UGT2A1: variants seen among roughly 807,000 people sequenced by gnomAD.
UGT2A1 encodes the protein UDP-glucuronosyltransferase 2A1.
Under a neutral mutation model 45.4 loss-of-function variants are expected in UGT2A1, and 61 were observed. The ratio of observed to expected loss-of-function variants is 1.34; its 90% CI spans 1.09 to 1.66. The LOEUF is 1.66. Among genes scored for constraint, UGT2A1 ranks in the 40% most tolerant of loss-of-function variants. The probability of loss-of-function intolerance (pLI) is 0.00; values close to 1 mark genes in which losing one functional copy is unlikely to be tolerated. For missense variants in UGT2A1, 649 were observed against 574.3 expected, an observed-to-expected ratio of 1.13 and a Z score of -1.33; for synonymous variants, 229 against 196.2, an observed-to-expected ratio of 1.17 and a Z score of -1.40.
Position 69,589,581 on chromosome 4 carries a change from C to T in UGT2A1, c.1375G>A (p.Val459Ile), listed in dbSNP as rs201031939. The change falls in exon 7 of 7, where the codon GTC becomes ATC. Residue 459 changes from valine (V) to isoleucine (I), a missense_variant. Val to Ile is a conservative substitution (Grantham distance 29, BLOSUM62 3). Coordinates refer to ENST00000286604, the MANE Select transcript of UGT2A1 (RefSeq NM_001252275.3). ...CGCATGACAAACTCGATCCAGAAGA[C>T]TGCTCGATCCAGGGGCTTTACAGGT... ...DQPVKPLDRA[V>I]FWIEFVMRHK... 46 of 1,614,048 alleles carry T rather than the reference C, an allele frequency of 2.8e-5. No homozygotes were observed. In the African/African-American group the frequency reaches 5.2e-4, roughly 18 times the overall value.
chr4:69,632,805 T>C (rs763302382), intron 3 of UGT2A1, among the ~76,000 whole-genome samples: 130 of 151,894 alleles, frequency 8.6e-4, no homozygotes, highest in Admixed American at 2.5e-3. Context: ...GGAAAATCGC[T>C]TGAACCCAGG....
intron 2 of UGT2A1, among the ~76,000 whole-genome samples, chr4:69,638,732 T>C (rs1721864021): frequency 6.6e-6 from 1 of 152,136 alleles, no homozygotes; most frequent in Non-Finnish European, 1.5e-5. Flanking sequence ...CATTTCATTG[T>C]TAAGGATTTA....
chr4:69,646,891 G>A, intron 2 of UGT2A1, 39 bp downstream of exon 2: 1 of 1,424,796 alleles, frequency 7.0e-7, no homozygotes, highest in Non-Finnish European at 9.4e-7. Context: ...AGGTCTGTTT[G>A]TTCAAATTCA....
chr4:69,597,900 G>A lies in UGT2A1; in HGVS notation c.996+1346C>T, dbSNP rs1056507064. On this transcript the variant is annotated intron_variant, in intron 4 of 6. Transcript: ENST00000286604. ...ATTCATATTTCCCAAAGCCTATATC[G>A]ATATTTATATTGATTGAATACATAA... 2.0e-5 allele frequency among the ~76,000 whole-genome samples: 3 copies of A among 151,946 alleles called. No individual in the cohort carries two copies. In the East Asian group the frequency reaches 5.8e-4, roughly 29 times the overall value.
intron 3 of UGT2A1, among the ~76,000 whole-genome samples, chr4:69,609,128 G>A (rs909502128): frequency 2.7e-5 from 4 of 150,300 alleles, no homozygotes; most frequent in African/African-American, 9.8e-5. Flanking sequence ...ATATAAAACT[G>A]GCTCAGGCTC....
rs146749264 is a variant in UGT2A1 at position 69,594,611 on chromosome 4, T to A, written c.1170A>T (p.Gly390=). 2.7e-3 allele frequency: 4,413 copies of A among 1,614,116 alleles called. 8 individuals carry two copies. Among genetic ancestry groups the A allele is most frequent in the Non-Finnish European group, 3.4e-3 (4,028 of 1,180,026 alleles). ...EAIYHGVPMV[G]VPMFADQPDN... ...CAGGCTGATCAGCAAACATGGGAACTCCCACCATAGGGACTCCGTGGTAAA... is the reference window on the plus strand; with the variant it reads ...CAGGCTGATCAGCAAACATGGGAACACCCACCATAGGGACTCCGTGGTAAA... Residue 390 remains glycine (G), a synonymous_variant, in exon 6 of 7, where the codon GGA becomes GGT. Coordinates refer to ENST00000286604, the MANE Select transcript of UGT2A1 (RefSeq NM_001252275.3).
chr4:69,617,410 T>C (rs1046825482), intron 3 of UGT2A1, among the ~76,000 whole-genome samples: 5 of 151,928 alleles, frequency 3.3e-5, no homozygotes, highest in Non-Finnish European at 7.4e-5. Flanking sequence ...TATACAAAGA[T>C]ATAATATATA....
In UGT2A1 at chr4:69,648,886, T is replaced by C. The variant is rs143561431; in HGVS notation, c.-54-1188A>G. 1.5e-3 allele frequency among the ~76,000 whole-genome samples: 221 copies of C among 152,112 alleles called. 1 individual carries two copies. Among genetic ancestry groups the C allele is most frequent in the Non-Finnish European group, 2.4e-3 (161 of 67,950 alleles). ...AAGGATCTCTGACTCCCACAGCCTA[T>C]TGTATTAACCACTGGGATAGATTGC... On this transcript the variant is annotated intron_variant, in intron 1 of 6. Coordinates refer to ENST00000286604, the MANE Select transcript of UGT2A1 (RefSeq NM_001252275.3).
rs565388058 is a variant in UGT2A1 at position 69,588,662 on chromosome 4, T to G, written c.*710A>C. On this transcript the variant is annotated 3_prime_UTR_variant, in exon 7 of 7. Transcript: ENST00000286604. ...ATAACATAGAACTTTCTCCTTGAAA[T>G]AAAAGAGTCGATTGATTGATTTATT... is the stretch of plus-strand genomic sequence containing the variant. The G allele has an allele frequency of 2.6e-5, 4 of 152,124 alleles. No homozygotes were observed. The highest frequency in any genetic ancestry group is 9.6e-5 in the African/African-American group (4 of 41,500). 9.4% of individuals were successfully genotyped at this position (152,124 alleles called of 1,614,324 possible). A position where few individuals can be genotyped will look rare whatever the true frequency, so the allele number is the denominator to read the frequency against.
intron 3 of UGT2A1, among the ~76,000 whole-genome samples, chr4:69,634,262 A>AAACAG (rs1356354444): frequency 4.8e-5 from 4 of 84,190 alleles, no homozygotes; most frequent in African/African-American, 2.2e-4. Flanking sequence ...AAACAAAACA[A>AAACAG]AACAAAACAA....
chr4:69,607,025 A>G (rs1719669848), intron 3 of UGT2A1, among the ~76,000 whole-genome samples: 1 of 135,988 alleles, frequency 7.4e-6, no homozygotes, highest in South Asian at 2.4e-4. Flanking sequence ...TGCCATCCCC[A>G]TCAAACTACC....
chr4:69,610,650 G>T (rs1360478702), intron 3 of UGT2A1, among the ~76,000 whole-genome samples: 1 of 152,030 alleles, frequency 6.6e-6, no homozygotes, highest in African/African-American at 2.4e-5. Context: ...TTCAAGGGTG[G>T]GTCTCTAATC....
chr4:69,600,373 T>G (rs889075579), intron 3 of UGT2A1, among the ~76,000 whole-genome samples: 2 of 152,172 alleles, frequency 1.3e-5, no homozygotes, highest in Non-Finnish European at 2.9e-5. Flanking sequence ...CGGAAGTCTG[T>G]CAACTAACTC....
intron 3 of UGT2A1, among the ~76,000 whole-genome samples, chr4:69,627,576 GAGAA>G (rs1577987465): frequency 6.9e-6 from 1 of 144,256 alleles, no homozygotes; most frequent in Non-Finnish European, 1.5e-5. Context: ...GAAAGAAAGA[GAGAA>G]AGAAAAAAAG....
At position 69,619,517 on chromosome 4, in the gene UGT2A1, C is replaced by T. The variant is rs113643709; in HGVS notation, c.847+16174G>A. On this transcript the variant is annotated intron_variant, in intron 3 of 6. Coordinates refer to ENST00000286604, the MANE Select transcript of UGT2A1 (RefSeq NM_001252275.3). ...AAACAAAAGTGAAATTTTAAAATAA[C>T]GTTAAAGAAGACTCTAAAAATAATG... Among the ~76,000 whole-genome samples the T allele has an allele frequency of 9.0e-3, 1,372 of 151,756 alleles. 21 individuals carry two copies. The highest frequency in any genetic ancestry group is 0.028 in the African/African-American group (1,175 of 41,430).
chr4:69,643,940 A>G (rs1722146655), intron 2 of UGT2A1, among the ~76,000 whole-genome samples: 1 of 151,638 alleles, frequency 6.6e-6, no homozygotes, highest in African/African-American at 2.4e-5. Flanking sequence ...AGACTTGCAC[A>G]AAAATAAGTC....
chr4:69,636,964 T>C (rs1481583085), intron 2 of UGT2A1, among the ~76,000 whole-genome samples: 4 of 152,148 alleles, frequency 2.6e-5, no homozygotes, highest in Non-Finnish European at 5.9e-5. Context: ...ACCTTGTTAC[T>C]TTTTGTATGT....
At chr4:69,652,418 G>A (rs1363070369) in intron 1 of UGT2A1, among the ~76,000 whole-genome samples, 1 of 149,842 alleles carries the variant, frequency 6.7e-6, no homozygotes, top group Non-Finnish European at 1.5e-5. Flanking sequence ...CGAGTAGCTG[G>A]GATTATAGGC....
chr4:69,630,239 G>C (rs921188255), intron 3 of UGT2A1, among the ~76,000 whole-genome samples: 9 of 152,020 alleles, frequency 5.9e-5, no homozygotes, highest in African/African-American at 2.2e-4. Flanking sequence ...AGTTGGCTAC[G>C]ATTCATTTTT....
Sources: allele counts gnomAD v4.1 joint callset (sites outside exome capture counted in the v4.1 genomes callset), GRCh38; gene constraint gnomAD v4.1.1; transcripts MANE v1.5; gene names NCBI Gene and HGNC (gene_info 2026-07-23, HGNC 2026-07-21).